FAM81A: variants seen among roughly 807,000 people sequenced by gnomAD.
FAM81A encodes family with sequence similarity 81 member A, also known as protein FAM81A.
FAM81A carries 19 observed loss-of-function variants against 46.7 expected under a neutral mutation model. The observed-to-expected ratio is 0.41, with a 90% CI of 0.28 to 0.60. The LOEUF (loss-of-function observed/expected upper bound fraction) is 0.60. Among genes scored for constraint, FAM81A ranks in the 20% least tolerant of loss-of-function variants. The pLI is 0.34. For missense variants in FAM81A, 377 were observed against 453.5 expected (o/e 0.83, Z 1.53); for synonymous variants, 183 against 152.9 (o/e 1.20, Z -1.45).
chr15:59,500,994 AC>A lies in FAM81A; in HGVS notation c.414-6218del, dbSNP rs2082085079. On this transcript the variant is annotated intron_variant, in intron 4 of 8. Transcript: ENST00000288228. ...TTGAAGTTTTCTTTTTTAAAATCTG[AC>A]ATCTATGTCCTCTTACAGGCAGTTG... is the stretch of plus-strand genomic sequence containing the variant. Among the ~76,000 whole-genome samples the A allele has an allele frequency of 5.3e-5, 8 of 152,230 alleles. No individual in the cohort carries two copies. In the South Asian group the frequency reaches 1.7e-3, roughly 32 times the overall value.
chr15:59,445,275 G>T (rs1354560011), intron 1 of FAM81A: 5 of 152,180 alleles, frequency 3.3e-5, no homozygotes, highest in African/African-American at 1.2e-4. Flanking sequence ...AAGACATTGT[G>T]CTGCCGTCGC....
intron 2 of FAM81A, among the ~76,000 whole-genome samples, chr15:59,408,481 G>A (rs1477498119): frequency 6.6e-6 from 1 of 151,916 alleles, no homozygotes; most frequent in Non-Finnish European, 1.5e-5. Context: ...GATCACCTGA[G>A]GTCAAGTGTC....
intron 3 of FAM81A, among the ~76,000 whole-genome samples, chr15:59,491,516 G>A (rs1204545172): frequency 5.9e-5 from 9 of 152,158 alleles, no homozygotes; most frequent in African/African-American, 2.2e-4. Flanking sequence ...GCACAACAGG[G>A]TGACTGTAGT....
At chr15:59,442,167 A>G (rs2081305002) in intron 1 of FAM81A, among the ~76,000 whole-genome samples, 1 of 152,178 alleles carries the variant, frequency 6.6e-6, no homozygotes, top group Non-Finnish European at 1.5e-5. Context: ...CTTCAAATCT[A>G]TATTTTGGGC....
At chr15:59,448,564 A>G (rs1304015452) in intron 1 of FAM81A, among the ~76,000 whole-genome samples, 1 of 148,086 alleles carries the variant, frequency 6.8e-6, no homozygotes, top group African/African-American at 2.5e-5. Flanking sequence ...TAGATAAAGC[A>G]TACTATAAAT....
chr15:59,507,154 G>A, intron 4 of FAM81A, 59 bp from the exon 5 acceptor site: 2 of 1,555,214 alleles, frequency 1.3e-6, no homozygotes, highest in African/African-American at 1.4e-5. Context: ...GTATAAGGAA[G>A]CTTTTGCGCA....
intron 3 of FAM81A, among the ~76,000 whole-genome samples, chr15:59,465,940 G>GTT: frequency 6.6e-6 from 1 of 152,236 alleles, no homozygotes; most frequent in South Asian, 2.1e-4. Context: ...ATGAGAACAT[G>GTT]CGGTGTTTGG....
chr15:59,453,828 T>G (rs2081449519), intron 1 of FAM81A, among the ~76,000 whole-genome samples: 1 of 151,506 alleles, frequency 6.6e-6, no homozygotes. Flanking sequence ...GAGAGAGGAA[T>G]GAGAAGTGCT....
intron 3 of FAM81A, among the ~76,000 whole-genome samples, chr15:59,489,003 C>T (rs929222024): frequency 2.1e-4 from 32 of 152,072 alleles, no homozygotes; most frequent in Non-Finnish European, 4.1e-4. Context: ...CGGTGGCTCA[C>T]GCCTGTAATC....
chr15:59,412,454 A>C (rs555105365), intron 2 of FAM81A, among the ~76,000 whole-genome samples: 1 of 152,152 alleles, frequency 6.6e-6, no homozygotes, highest in Non-Finnish European at 1.5e-5. Context: ...AGCCGGGCAC[A>C]GTGGCTCATG....
intron 2 of FAM81A, 143 bp from the exon 3 acceptor site, chr15:59,459,790 T>C (rs1200289261): frequency 2.4e-6 from 3 of 1,253,248 alleles, no homozygotes; most frequent in Non-Finnish European, 3.2e-6. Flanking sequence ...AAGAAAACTT[T>C]TTTAGGCAGA....
At chr15:59,500,603 C>A (rs1295307495) in intron 4 of FAM81A, among the ~76,000 whole-genome samples, 2 of 151,646 alleles carry the variant, frequency 1.3e-5, no homozygotes, top group African/African-American at 4.8e-5. Flanking sequence ...TGCCTGGCAT[C>A]TTCTCTCCTA....
At chr15:59,411,949 G>C (rs16941422) in intron 2 of FAM81A, among the ~76,000 whole-genome samples, 40,747 of 150,796 alleles carry the variant, frequency 0.27, 5,651 homozygotes, top group Non-Finnish European at 0.3. Flanking sequence ...GCCCTGGGGT[G>C]GAACCTGCTG....
intron 7 of FAM81A, among the ~76,000 whole-genome samples, chr15:59,515,204 G>A (rs1018684129): frequency 2.6e-5 from 4 of 152,022 alleles, no homozygotes; most frequent in African/African-American, 7.3e-5. Flanking sequence ...ATGACTGCAC[G>A]CTGCACTCCA....
chr15:59,470,055 T>C (rs1314107163), intron 3 of FAM81A, among the ~76,000 whole-genome samples: 2 of 152,244 alleles, frequency 1.3e-5, no homozygotes, highest in Non-Finnish European at 1.5e-5. Flanking sequence ...TTCTGGCTTA[T>C]AGGGTTTCTG....
intron 1 of FAM81A, among the ~76,000 whole-genome samples, chr15:59,399,243 G>A (rs1230294528): frequency 6.6e-6 from 1 of 152,086 alleles, no homozygotes; most frequent in African/African-American, 2.4e-5. Flanking sequence ...GGGGAAGAAA[G>A]GCATGTCTTC....
chr15:59,495,632 C>T (rs2082025429), intron 4 of FAM81A, among the ~76,000 whole-genome samples: 1 of 152,182 alleles, frequency 6.6e-6, no homozygotes, highest in African/African-American at 2.4e-5. Flanking sequence ...TTTACATTGC[C>T]CCCAGCAGTG....
intron 3 of FAM81A, among the ~76,000 whole-genome samples, chr15:59,489,303 A>G (rs2081957208): frequency 1.3e-5 from 2 of 149,618 alleles, no homozygotes; most frequent in South Asian, 4.2e-4. Flanking sequence ...ACATACATAC[A>G]TACATACATA....
At chr15:59,519,627 C>G (rs1485436521) in intron 8 of FAM81A, among the ~76,000 whole-genome samples, 3 of 124,762 alleles carry the variant, frequency 2.4e-5, no homozygotes, top group Non-Finnish European at 1.7e-5. Flanking sequence ...CCTTCCTTTT[C>G]TTTTTTTAGA....
Sources: allele counts gnomAD v4.1 joint callset (sites outside exome capture counted in the v4.1 genomes callset), GRCh38; gene constraint gnomAD v4.1.1; transcripts MANE v1.5; gene names NCBI Gene and HGNC (gene_info 2026-07-23, HGNC 2026-07-21).